ERP44: variants seen among roughly 807,000 people sequenced by gnomAD.
ERP44 encodes endoplasmic reticulum protein 44, also known as endoplasmic reticulum resident protein 44.
A neutral mutation model predicts 53.4 loss-of-function variants in ERP44; 25 were observed. The ratio of observed to expected loss-of-function variants is 0.47; its 90% CI spans 0.34 to 0.65. ERP44 has a LOEUF of 0.65. ERP44 is among the 30% of genes least tolerant of loss of function. The pLI is 0.01. For missense variants in ERP44, 338 were observed against 493.2 expected, an observed-to-expected ratio of 0.69 and a Z score of 2.98; for synonymous variants, 145 against 161.2, an observed-to-expected ratio of 0.90 and a Z score of 0.76.
intron 1 of ERP44, among the ~76,000 whole-genome samples, chr9:100,063,391 T>C (rs1047910189): frequency 1.3e-5 from 2 of 152,116 alleles, no homozygotes; most frequent in Non-Finnish European, 2.9e-5. Flanking sequence ...TCTATTAATA[T>C]GCAGTATGAA....
chr9:100,039,616 T>C (rs1356905416), intron 4 of ERP44, among the ~76,000 whole-genome samples: 2 of 151,656 alleles, frequency 1.3e-5, no homozygotes, highest in African/African-American at 2.4e-5. Flanking sequence ...CTTAAAGAAT[T>C]AGAAAAGCAA....
intron 4 of ERP44, among the ~76,000 whole-genome samples, chr9:100,040,701 G>C (rs1306633097): frequency 6.6e-6 from 1 of 152,056 alleles, no homozygotes; most frequent in Admixed American, 6.6e-5. Context: ...ATCCAAATTA[G>C]AAAGGAAAAA....
intron 2 of ERP44, among the ~76,000 whole-genome samples, chr9:100,059,084 C>T (rs7043057): frequency 0.68 from 102,630 of 151,656 alleles, 35,922 homozygotes; most frequent in East Asian, 0.91. Flanking sequence ...TGCTAAAGTT[C>T]ATGGAACCAC....
intron 10 of ERP44, among the ~76,000 whole-genome samples, chr9:99,990,454 A>C (rs1258444409): frequency 3.3e-5 from 5 of 152,216 alleles, no homozygotes; most frequent in Non-Finnish European, 7.3e-5. Context: ...CTTTACAGAC[A>C]AGCAAATGCT....
intron 1 of ERP44, among the ~76,000 whole-genome samples, chr9:100,067,702 T>C (rs1587979703): frequency 6.7e-6 from 1 of 150,110 alleles, no homozygotes; most frequent in South Asian, 2.1e-4. Flanking sequence ...GTCTGGAAAG[T>C]GAGGAGCGTC....
chr9:99,984,902 C>T (rs888766139), intron 11 of ERP44, 65 bp downstream of exon 11: 3 of 975,046 alleles, frequency 3.1e-6, no homozygotes, highest in African/African-American at 3.2e-5. Flanking sequence ...ACTTCAGACC[C>T]TCTTTGAGGC....
chr9:100,027,608 GA>G (rs1325339175), intron 4 of ERP44, among the ~76,000 whole-genome samples: 1 of 152,188 alleles, frequency 6.6e-6, no homozygotes, highest in African/African-American at 2.4e-5. Flanking sequence ...ATAAATCCCA[GA>G]AGGTTAACAG....
chr9:100,045,195 A>T (rs892881569), intron 4 of ERP44, among the ~76,000 whole-genome samples: 7 of 152,114 alleles, frequency 4.6e-5, no homozygotes, highest in African/African-American at 1.7e-4. Flanking sequence ...TGCTACTTCC[A>T]TCTAAAACAC....
intron 4 of ERP44, among the ~76,000 whole-genome samples, chr9:100,047,966 C>A (rs1241560336): frequency 6.6e-6 from 1 of 152,038 alleles, no homozygotes. Flanking sequence ...ATACAAATGA[C>A]CAATAAGCAT....
intron 1 of ERP44, among the ~76,000 whole-genome samples, chr9:100,071,940 CT>C: frequency 6.6e-6 from 1 of 152,114 alleles, no homozygotes; most frequent in South Asian, 2.1e-4. Flanking sequence ...AAATAAACCT[CT>C]GTGTTTTAAA....
At chr9:100,043,028 A>G (rs549068995) in intron 4 of ERP44, among the ~76,000 whole-genome samples, 17 of 150,868 alleles carry the variant, frequency 1.1e-4, no homozygotes, top group Non-Finnish European at 2.2e-4. Flanking sequence ...GGGAGGCCGA[A>G]GCGGGCGAAT....
intron 1 of ERP44, among the ~76,000 whole-genome samples, chr9:100,069,602 GAT>G (rs1344352575): frequency 6.6e-6 from 1 of 151,658 alleles, no homozygotes; most frequent in Admixed American, 6.6e-5. Context: ...TCTCAAAATA[GAT>G]ATATTTATTT....
chr9:100,064,824 A>G (rs1826191954), intron 1 of ERP44, among the ~76,000 whole-genome samples: 1 of 152,200 alleles, frequency 6.6e-6, no homozygotes, highest in African/African-American at 2.4e-5. Flanking sequence ...AAAAAAGCTA[A>G]AAAGAAAAAA....
chr9:100,035,277 GCAAA>G (rs771422736), intron 4 of ERP44, among the ~76,000 whole-genome samples: 4 of 152,120 alleles, frequency 2.6e-5, no homozygotes, highest in Non-Finnish European at 5.9e-5. Context: ...TACCAAGGAA[GCAAA>G]CAAACAACCT....
At chr9:100,088,958 C>T (rs756023090) in intron 1 of ERP44, among the ~76,000 whole-genome samples, 2 of 152,160 alleles carry the variant, frequency 1.3e-5, no homozygotes, top group Admixed American at 1.3e-4. Flanking sequence ...AAATAAGATA[C>T]ATGCTTTAAA....
chr9:100,080,505 ACATTCTGT>A (rs779148006), intron 1 of ERP44, among the ~76,000 whole-genome samples: 11 of 152,246 alleles, frequency 7.2e-5, no homozygotes, highest in Non-Finnish European at 1.5e-4. Context: ...AATTCAAGAT[ACATTCTGT>A]CCTGCAAGGG....
At chr9:100,075,901 G>A (rs1826350138) in intron 1 of ERP44, among the ~76,000 whole-genome samples, 1 of 152,196 alleles carries the variant, frequency 6.6e-6, no homozygotes. Context: ...CCAGGCTGCT[G>A]TGCAAGCTGT....
chr9:99,999,990 C>A (rs1830360283), intron 10 of ERP44, among the ~76,000 whole-genome samples: 1 of 152,066 alleles, frequency 6.6e-6, no homozygotes, highest in Non-Finnish European at 1.5e-5. Flanking sequence ...ACCTTTTTTG[C>A]ACCATCGTCA....
intron 1 of ERP44, among the ~76,000 whole-genome samples, chr9:100,068,939 T>C (rs1005133683): frequency 6.6e-6 from 1 of 152,238 alleles, no homozygotes; most frequent in Non-Finnish European, 1.5e-5. Context: ...CATTTTGTTC[T>C]GTACTAAGAA....
Sources: gnomAD v4.1 joint callset for allele counts (sites outside exome capture counted in the v4.1 genomes callset) on GRCh38, gnomAD v4.1.1 for gene constraint, MANE v1.5 for transcripts, NCBI Gene and HGNC (gene_info 2026-07-23, HGNC 2026-07-21) for gene names.